Variants in ZNF33A observed in about 807,000 individuals in gnomAD.
ZNF33A encodes brain my041 protein.
A neutral mutation model predicts 15.9 loss-of-function variants in ZNF33A; 9 were observed. The observed-to-expected ratio is 0.57, with a 90% CI of 0.34 to 0.99. The LOEUF (loss-of-function observed/expected upper bound fraction) is 0.99, where lower values mean the gene tolerates loss of function less well. Ranked by LOEUF, ZNF33A falls within the 50% of genes least tolerant of loss-of-function variation. ZNF33A has a pLI of 0.02. For synonymous variants in ZNF33A, 294 were observed against 324.2 expected, an observed-to-expected ratio of 0.91 and a Z score of 1.00; for missense variants, 843 against 941.6, an observed-to-expected ratio of 0.90 and a Z score of 1.37.
At chr10:38,066,208 TCTC>T (rs2066708436), downstream of ZNF33A, among the ~76,000 whole-genome samples, 1 of 152,180 alleles carries the variant, frequency 6.6e-6, no homozygotes, top group Non-Finnish European at 1.5e-5. Context: ...TGGATACACT[TCTC>T]CTGGTGTGAT....
At chr10:38,037,247 G>A (rs1289651329) in intron 4 of ZNF33A, among the ~76,000 whole-genome samples, 1 of 152,042 alleles carries the variant, frequency 6.6e-6, no homozygotes, top group Non-Finnish European at 1.5e-5. Context: ...TGTATATGGT[G>A]TGAGGAAAGG....
downstream of ZNF33A, among the ~76,000 whole-genome samples, chr10:38,067,263 A>G (rs1238116776): frequency 1.3e-5 from 2 of 152,198 alleles, no homozygotes; most frequent in Admixed American, 1.3e-4. Context: ...CATTCTTAAC[A>G]TGGTGTAATT....
chr10:38,022,878 A>G (rs545813560), intron 4 of ZNF33A, among the ~76,000 whole-genome samples: 2 of 152,308 alleles, frequency 1.3e-5, no homozygotes, highest in African/African-American at 4.8e-5. Context: ...AGAGAATTCT[A>G]CCAAACATTT....
intron 3 of ZNF33A, 29 bp downstream of exon 3, chr10:38,017,044 A>G (rs1427291117): frequency 1.9e-6 from 3 of 1,588,006 alleles, no homozygotes; most frequent in Non-Finnish European, 2.6e-6. Flanking sequence ...ATCATTCTAA[A>G]TAGCATTTGT....
intron 2 of ZNF33A, among the ~76,000 whole-genome samples, chr10:38,013,725 G>A (rs1295831109): frequency 6.6e-6 from 1 of 152,074 alleles, no homozygotes; most frequent in Non-Finnish European, 1.5e-5. Flanking sequence ...CAAAGTGCTA[G>A]GATTGTGTAT....
chr10:38,017,611 C>T lies in ZNF33A; in HGVS notation c.250+225C>T, dbSNP rs1419389687. 5 of 324,548 alleles carry T rather than the reference C, an allele frequency of 1.5e-5. No homozygotes were observed. In the East Asian group the frequency reaches 2.9e-4, roughly 19 times the overall value. The allele number at this position is 324,548 out of a possible 1,614,324, so 20.1% of individuals were successfully genotyped here. A position where few individuals can be genotyped will look rare whatever the true frequency, so the allele number is the denominator to read the frequency against. On this transcript the variant is annotated intron_variant, in intron 4 of 4. Transcript: ENST00000432900. Reference sequence around the variant, plus strand: ...TTTTGAATGTTTACTATTCTTACACCTGCCAATAGTTCAGTCTTTGCCCAC... The same window carrying T: ...TTTTGAATGTTTACTATTCTTACACTTGCCAATAGTTCAGTCTTTGCCCAC...
rs2066478734 is a variant in ZNF33A at position 38,056,300 on chromosome 10, T to C, written c.2176T>C (p.Cys726Arg). The C allele has an allele frequency of 1.2e-6, 2 of 1,614,158 alleles. No homozygotes were observed. The highest frequency in any genetic ancestry group is 1.7e-6 in the Non-Finnish European group (2 of 1,179,990). Residue 726 changes from cysteine to arginine, a missense_variant, in exon 5 of 5, where the codon TGT (cysteine) becomes CGT (arginine). By Grantham distance (180) the Cys-to-Arg change is radical (BLOSUM62 -3). Coordinates refer to ENST00000432900, the MANE Select transcript of ZNF33A (RefSeq NM_006954.2). ...AGAGAAATCTTGTCAATGTAATGAA[T>C]GTGGAAAAATCTTTTACCGTAAATC... ...TGEKSCQCNE[C>R]GKIFYRKSEL...
chr10:38,060,129 C>T (rs1417973197), downstream of ZNF33A: 2 of 957,062 alleles, frequency 2.1e-6, no homozygotes, highest in Non-Finnish European at 2.5e-6. Context: ...ACATGTAAAT[C>T]ATCATTAGTG....
At position 38,057,252 on chromosome 10, in the gene ZNF33A, G is replaced by A. The variant is rs1218377424; in HGVS notation, c.*692G>A. ...TCTGTACTGTATCAGGATTACAAAG[G>A]ATTTAGCCTCAAGTAGTTCCCTTTT... is the stretch of plus-strand genomic sequence containing the variant. On this transcript the variant is annotated 3_prime_UTR_variant, in exon 5 of 5. Transcript: ENST00000432900. 2.0e-6 allele frequency: 2 copies of A among 984,900 alleles called. No individual in the cohort carries two copies. The highest frequency in any genetic ancestry group is 3.5e-5 in the African/African-American group (2 of 57,194). The allele number at this position is 984,900 out of a possible 1,614,324, so 61.0% of individuals were successfully genotyped here.
intron 4 of ZNF33A, among the ~76,000 whole-genome samples, chr10:38,037,926 A>G (rs2065522266): frequency 1.3e-5 from 2 of 152,116 alleles, no homozygotes; most frequent in Admixed American, 1.3e-4. Context: ...GGATTTTGGT[A>G]GGGATTGTGT....
chr10:38,057,657 C>G lies in ZNF33A; in HGVS notation c.*1097C>G. The stretch of plus-strand genomic sequence containing the variant: ...TTATCTAAAAAAAATCTATCCTGTA[C>G]ATGTGAAGATCTAGGCTCGCCTCCA... On this transcript the variant is annotated 3_prime_UTR_variant, in exon 5 of 5. Transcript: ENST00000432900. The G allele has an allele frequency of 1.0e-6, 1 of 985,430 alleles. No homozygotes were observed. Among genetic ancestry groups the G allele is most frequent in the Non-Finnish European group, 1.2e-6 (1 of 829,916 alleles). The allele number at this position is 985,430 out of a possible 1,614,324, so 61.0% of individuals were successfully genotyped here.
chr10:38,012,186 CAG>C, intron 1 of ZNF33A, 110 bp from the exon 2 acceptor site: 1 of 1,041,532 alleles, frequency 9.6e-7, no homozygotes, highest in Non-Finnish European at 1.4e-6. Context: ...GATACTCTCC[CAG>C]AGGAAGCATT....
At position 38,057,526 on chromosome 10, in the gene ZNF33A, C is replaced by T; in HGVS notation, c.*966C>T. On this transcript the variant is annotated 3_prime_UTR_variant, in exon 5 of 5. Transcript: ENST00000432900. ...AGGTATCCTAGTTTAGTAGTGGTTA[C>T]ATTATCAGGCCCATCCCAGATGTTT... The T allele has an allele frequency of 1.0e-6, 1 of 985,374 alleles. No homozygotes were observed. The highest frequency in any genetic ancestry group is 4.7e-5 in the South Asian group (1 of 21,286). 61.0% of individuals were successfully genotyped at this position (985,374 alleles called of 1,614,324 possible).
intron 4 of ZNF33A, among the ~76,000 whole-genome samples, chr10:38,042,171 A>T (rs1167111577): frequency 6.0e-5 from 9 of 150,052 alleles, no homozygotes; most frequent in Non-Finnish European, 1.2e-4. Context: ...TTACTCTGGC[A>T]CAGATTTGTT....
At chr10:38,039,098 TTTC>T (rs1339050657) in intron 4 of ZNF33A, among the ~76,000 whole-genome samples, 1 of 152,116 alleles carries the variant, frequency 6.6e-6, no homozygotes, top group Non-Finnish European at 1.5e-5. Context: ...CTGGCAAGTG[TTTC>T]TTCTTATTTT....
At chr10:38,024,163 C>CCAAAAAAAAAAAAAAAA (rs1554902706) in intron 4 of ZNF33A, among the ~76,000 whole-genome samples, 1 of 93,216 alleles carries the variant, frequency 1.1e-5, no homozygotes, top group Non-Finnish European at 2.1e-5. Flanking sequence ...AAAAACAAAA[C>CCAAAAAAAAAAAAAAAA]AAAAAAAAAA....
downstream of ZNF33A, among the ~76,000 whole-genome samples, chr10:38,063,672 CCT>C (rs2135795874): frequency 6.6e-6 from 1 of 152,284 alleles, no homozygotes; most frequent in South Asian, 2.1e-4. Context: ...GTTCCCATCT[CCT>C]CTGGTAAGAG....
In ZNF33A at chr10:38,010,726, GGGATTTCAAGGGT is replaced by G; in HGVS notation, c.-101_-89del. 3.8e-6 allele frequency: 6 copies of G among 1,598,422 alleles called. No individual in the cohort carries two copies. Among genetic ancestry groups the G allele is most frequent in the Non-Finnish European group, 5.1e-6 (6 of 1,179,808 alleles). On this transcript the variant is annotated 5_prime_UTR_variant, in exon 1 of 5. Transcript: ENST00000432900. ...CAGGTTTTGCGTGGGAGGCGGTCCCGGGATTTCAAGGGTCTACGCGCTTTTCTATGGCGAATGC... is the reference window on the plus strand; with the variant it reads ...CAGGTTTTGCGTGGGAGGCGGTCCCGCTACGCGCTTTTCTATGGCGAATGC...
downstream of ZNF33A, among the ~76,000 whole-genome samples, chr10:38,067,145 C>T (rs1470070791): frequency 3.9e-5 from 6 of 152,238 alleles, no homozygotes; most frequent in Middle Eastern, 3.4e-3. Context: ...TTAATTTTCT[C>T]CTACCAGGAA....
Sources: gnomAD v4.1 joint callset for allele counts (sites outside exome capture counted in the v4.1 genomes callset) on GRCh38, gnomAD v4.1.1 for gene constraint, MANE v1.5 for transcripts, NCBI Gene and HGNC (gene_info 2026-07-23, HGNC 2026-07-21) for gene names.